Variants in ERCC8 observed in about 807,000 individuals in gnomAD.
ERCC8 encodes DNA excision repair protein ERCC-8.
Under a neutral mutation model 54.9 loss-of-function variants are expected in ERCC8, and 52 were observed. That is an observed-to-expected ratio of 0.95 (90% CI 0.76 to 1.19). The LOEUF (loss-of-function observed/expected upper bound fraction) is 1.19. Ranked by LOEUF, ERCC8 falls within the 50% of genes most tolerant of loss-of-function variation. ERCC8 has a pLI of 0.00. For synonymous variants in ERCC8, 146 were observed against 157.2 expected, an observed-to-expected ratio of 0.93 and a Z score of 0.53; for missense variants, 514 against 466.1, an observed-to-expected ratio of 1.10 and a Z score of -0.95.
chr5:60,883,930 A>G (rs147740357), intron 11 of ERCC8, among the ~76,000 whole-genome samples: 262 of 152,272 alleles, frequency 1.7e-3, no homozygotes, highest in Non-Finnish European at 3.0e-3. Flanking sequence ...TCCTGTCCCT[A>G]TCATCCAGTG....
intron 7 of ERCC8, among the ~76,000 whole-genome samples, chr5:60,901,488 T>A (rs1246332214): frequency 6.6e-6 from 1 of 152,026 alleles, no homozygotes; most frequent in East Asian, 1.9e-4. Flanking sequence ...CTATCTTTCC[T>A]CAAAATTGCA....
chr5:60,932,934 C>T (rs1749951852), intron 1 of ERCC8, among the ~76,000 whole-genome samples: 1 of 152,062 alleles, frequency 6.6e-6, no homozygotes, highest in Non-Finnish European at 1.5e-5. Flanking sequence ...AAAAAGCAAG[C>T]CCTGGTGTCT....
intron 4 of ERCC8, among the ~76,000 whole-genome samples, chr5:60,909,257 A>G (rs1749177720): frequency 2.1e-5 from 3 of 139,538 alleles, no homozygotes; most frequent in Admixed American, 1.4e-4. Flanking sequence ...AAAAAAAAAA[A>G]AAAAAAAAAA....
intron 9 of ERCC8, among the ~76,000 whole-genome samples, chr5:60,894,254 G>C (rs2112481104): frequency 6.6e-6 from 1 of 152,102 alleles, no homozygotes; most frequent in East Asian, 1.9e-4. Context: ...AAAGTGCTGG[G>C]ATTACAGGCG....
chr5:60,940,713 T>A (rs1750232932), intron 1 of ERCC8, among the ~76,000 whole-genome samples: 1 of 152,188 alleles, frequency 6.6e-6, no homozygotes, highest in South Asian at 2.1e-4. Flanking sequence ...CTGGGGAAGA[T>A]CTGAAGAGAC....
Position 60,899,651 on chromosome 5 carries a change from T to G in ERCC8, c.694A>C (p.Lys232Gln), listed in dbSNP as rs1748816301. 2 of 1,611,612 alleles carry G rather than the reference T, an allele frequency of 1.2e-6. No homozygotes were observed. The highest frequency in any genetic ancestry group is 2.7e-5 in the African/African-American group (2 of 74,864). ...CCTGATTCAACAGCTTGTGACTTTT[T>G]CCCATTATGTTGATCAAGAGTAATC... ...CLITLDQHNG[K>Q]KSQAVESANT... The change falls in exon 8 of 12, where the codon AAA (lysine) becomes CAA (glutamine). Residue 232 changes from lysine (K) to glutamine (Q), a missense_variant. Coordinates refer to ENST00000676185, the MANE Select transcript of ERCC8 (RefSeq NM_000082.4).
intron 3 of ERCC8, 198 bp from the exon 4 acceptor site, chr5:60,918,586 A>G (rs1749509715): frequency 1.7e-6 from 1 of 576,782 alleles, no homozygotes; most frequent in East Asian, 3.0e-5. Flanking sequence ...TGTGTGATGT[A>G]GAGACATACC....
rs919612053 is a variant in ERCC8, at chr5:60,869,140, C to T, written c.*5475G>A. 6.6e-6 allele frequency among the ~76,000 whole-genome samples: 1 copy of T among 152,114 alleles called. No homozygotes were observed. The highest frequency in any genetic ancestry group is 1.5e-5 in the Non-Finnish European group (1 of 68,000). On this transcript the variant is annotated 3_prime_UTR_variant, in exon 12 of 12. Coordinates refer to ENST00000676185, the MANE Select transcript of ERCC8 (RefSeq NM_000082.4). ...TTGTTTATAAAAATTATAGAATTCACAGAAACGTCTTTAGCTTCTCTAGTC... is the reference window on the plus strand; with the variant it reads ...TTGTTTATAAAAATTATAGAATTCATAGAAACGTCTTTAGCTTCTCTAGTC...
intron 9 of ERCC8, among the ~76,000 whole-genome samples, chr5:60,893,870 T>C (rs2112480517): frequency 6.6e-6 from 1 of 152,334 alleles, no homozygotes; most frequent in Admixed American, 6.5e-5. Context: ...TTCATGTTGT[T>C]GTGCAACTCT....
At chr5:60,875,735 C>T (rs1276828981) in intron 11 of ERCC8, among the ~76,000 whole-genome samples, 1 of 152,026 alleles carries the variant, frequency 6.6e-6, no homozygotes, top group Admixed American at 6.6e-5. Flanking sequence ...CTCACACTGT[C>T]GCCCGGGCTG....
At chr5:60,902,569 C>A in intron 6 of ERCC8, 61 bp from the exon 7 acceptor site, 1 of 1,432,628 alleles carries the variant, frequency 7.0e-7, no homozygotes, top group South Asian at 1.1e-5. Flanking sequence ...AGATAAAGTG[C>A]CAATAATTTT....
intron 1 of ERCC8, among the ~76,000 whole-genome samples, chr5:60,931,715 T>G (rs1749913777): frequency 6.6e-6 from 1 of 152,206 alleles, no homozygotes; most frequent in Non-Finnish European, 1.5e-5. Flanking sequence ...GAAATTGCCA[T>G]TTTTCTGAAA....
chr5:60,904,920 A>ACT, intron 4 of ERCC8, 47 bp from the exon 5 acceptor site: 1 of 946,918 alleles, frequency 1.1e-6, no homozygotes, highest in Non-Finnish European at 1.7e-6. Context: ...AAGTATAAAA[A>ACT]CAAAGCAATA....
intron 1 of ERCC8, among the ~76,000 whole-genome samples, chr5:60,934,308 G>GT (rs1750001013): frequency 6.6e-6 from 1 of 152,110 alleles, no homozygotes; most frequent in Admixed American, 6.5e-5. Context: ...TCACATTGTG[G>GT]TTTTGATTTG....
At chr5:60,922,972 T>C (rs891039416) in intron 2 of ERCC8, among the ~76,000 whole-genome samples, 1 of 152,098 alleles carries the variant, frequency 6.6e-6, no homozygotes, top group Non-Finnish European at 1.5e-5. Flanking sequence ...TGATTCAAAG[T>C]TAGCCAGAAA....
chr5:60,921,223 C>G (rs1453327838), intron 3 of ERCC8, among the ~76,000 whole-genome samples: 1 of 151,872 alleles, frequency 6.6e-6, no homozygotes, highest in African/African-American at 2.4e-5. Flanking sequence ...AACACCAGAG[C>G]CAACAAACAA....
intron 1 of ERCC8, among the ~76,000 whole-genome samples, chr5:60,941,092 G>T (rs931896157): frequency 2.0e-5 from 3 of 152,166 alleles, no homozygotes; most frequent in African/African-American, 7.2e-5. Context: ...GAGGCAGGGG[G>T]ACTGCTTCAG....
chr5:60,933,792 C>T (rs1749983282), intron 1 of ERCC8, among the ~76,000 whole-genome samples: 1 of 152,154 alleles, frequency 6.6e-6, no homozygotes, highest in African/African-American at 2.4e-5. Flanking sequence ...TCCTCCATAG[C>T]TCAGCTCCCA....
chr5:60,895,633 A>G (rs1021005), intron 9 of ERCC8, among the ~76,000 whole-genome samples: 58,930 of 152,082 alleles, frequency 0.39, 12,407 homozygotes, highest in East Asian at 0.8. Flanking sequence ...GTTTAAAAAT[A>G]TAACATTCCC....
Sources: allele counts gnomAD v4.1 joint callset (sites outside exome capture counted in the v4.1 genomes callset), GRCh38; gene constraint gnomAD v4.1.1; transcripts MANE v1.5; gene names NCBI Gene and HGNC (gene_info 2026-07-23, HGNC 2026-07-21).